The following CWH43 variants were observed in gnomAD, a reference collection of about 807,000 sequenced individuals.
The protein encoded by CWH43 is cell wall biogenesis 43 C-terminal homolog.
A neutral mutation model predicts 85.7 loss-of-function variants in CWH43; 91 were observed. The observed-to-expected ratio is 1.06, with a 90% CI of 0.90 to 1.26. The LOEUF (loss-of-function observed/expected upper bound fraction) is 1.26. Among genes scored for constraint, CWH43 ranks in the 50% most tolerant of loss-of-function variants. The pLI, the probability that CWH43 is intolerant of heterozygous loss-of-function variation, is 0.00. For synonymous variants in CWH43, 323 were observed against 293.6 expected (o/e 1.10, Z -1.02); for missense variants, 869 against 839.2 (o/e 1.04, Z -0.44).
chr4:49,002,744 T>G (rs1783030679), intron 6 of CWH43, among the ~76,000 whole-genome samples: 2 of 152,150 alleles, frequency 1.3e-5, no homozygotes, highest in Non-Finnish European at 2.9e-5. Context: ...GATGTTCTTT[T>G]TGAAGTGGGG....
At chr4:49,059,117 C>T (rs191890837) in intron 15 of CWH43, among the ~76,000 whole-genome samples, 190 of 152,166 alleles carry the variant, frequency 1.2e-3, no homozygotes, top group Non-Finnish European at 2.3e-3. Context: ...TTAATGATGA[C>T]CTATAATTTC....
intron 15 of CWH43, among the ~76,000 whole-genome samples, chr4:49,053,727 C>T (rs1577714828): frequency 6.6e-6 from 1 of 152,038 alleles, no homozygotes; most frequent in East Asian, 1.9e-4. Flanking sequence ...GTAAAAAAAT[C>T]CAAAATCTGA....
At chr4:49,043,732 A>G (rs1784538155) in intron 13 of CWH43, among the ~76,000 whole-genome samples, 1 of 152,114 alleles carries the variant, frequency 6.6e-6, no homozygotes, top group Admixed American at 6.5e-5. Context: ...AAATAGATTT[A>G]TTTATCATTT....
chr4:49,051,420 C>T (rs1225499489), intron 15 of CWH43, among the ~76,000 whole-genome samples: 1 of 152,158 alleles, frequency 6.6e-6, no homozygotes, highest in African/African-American at 2.4e-5. Context: ...ACTGCCTGGG[C>T]CCCACCCCAG....
At chr4:48,999,649 A>G (rs1782927198) in intron 6 of CWH43, among the ~76,000 whole-genome samples, 1 of 152,216 alleles carries the variant, frequency 6.6e-6, no homozygotes. Context: ...TTTACTGAGG[A>G]GATGAGGGCT....
rs1782684315 is a variant in CWH43 at position 48,992,339 on chromosome 4, G to A, written c.511+249G>A. Among the ~76,000 whole-genome samples, 1 of 152,224 alleles carries A rather than the reference G, an allele frequency of 6.6e-6. No homozygotes were observed. Among genetic ancestry groups the A allele is most frequent in the Non-Finnish European group, 1.5e-5 (1 of 68,038 alleles). On this transcript the variant is annotated intron_variant, in intron 4 of 15. Transcript: ENST00000226432. This position sits in a 1 kb window ranked among gnomAD's most constrained non-coding sequence, Gnocchi z 4.3. ...ATTACTGGTTTGTAGCACTGTGGCA[G>A]TGGGAGACGAGAACCAGGCCTCATA... is the stretch of plus-strand genomic sequence containing the variant.
intron 13 of CWH43, among the ~76,000 whole-genome samples, chr4:49,041,224 C>T (rs988545729): frequency 9.2e-5 from 14 of 152,222 alleles, no homozygotes; most frequent in African/African-American, 2.2e-4. Flanking sequence ...CTTGGCAATG[C>T]GGGCTCTTTT....
intron 9 of CWH43, among the ~76,000 whole-genome samples, chr4:49,021,433 C>T (rs1398499852): frequency 1.3e-5 from 2 of 152,074 alleles, no homozygotes; most frequent in Admixed American, 6.6e-5. Context: ...ATACCAGTAC[C>T]ATGCTGTTTT....
intron 13 of CWH43, among the ~76,000 whole-genome samples, chr4:49,039,273 G>A (rs1158752052): frequency 3.8e-5 from 3 of 78,432 alleles, no homozygotes; most frequent in African/African-American, 1.3e-4. Context: ...ATGTTCTGGG[G>A]AACTGCCACA....
chr4:49,038,168 T>A lies in CWH43; in HGVS notation c.1791T>A (p.His597Gln). Residue 597 changes from histidine (H) to glutamine (Q), a missense_variant, in exon 13 of 16, where the codon CAT becomes CAA. Around this residue, in one of 3 missense-constraint regions of CWH43, gnomAD observed 577 missense variants for 513.1 expected, o/e 1.12. Coordinates refer to ENST00000226432, the MANE Select transcript of CWH43 (RefSeq NM_025087.3). ...GSRDYLQLTE[H>Q]GNVKDIDSTD... ...GAGATTATCTACAGCTCACTGAACATGGCAATGTGAAGGTAACATAATCTT... is the reference window on the plus strand; with the variant it reads ...GAGATTATCTACAGCTCACTGAACAAGGCAATGTGAAGGTAACATAATCTT... 6.3e-7 allele frequency: 1 copy of A among 1,580,318 alleles called. No homozygotes were observed. The highest frequency in any genetic ancestry group is 2.3e-5 in the East Asian group (1 of 44,318).
chr4:49,060,420 T>C (rs1785114920), intron 15 of CWH43, among the ~76,000 whole-genome samples: 1 of 151,734 alleles, frequency 6.6e-6, no homozygotes, highest in Admixed American at 6.6e-5. Flanking sequence ...TAGGGCCGGC[T>C]TAGGGACTGG....
chr4:48,994,853 G>T (rs370975619), intron 5 of CWH43, 33 bp downstream of exon 5: 1 of 1,585,050 alleles, frequency 6.3e-7, no homozygotes, highest in African/African-American at 1.3e-5. Flanking sequence ...TCACAAAATC[G>T]GCAGTTATGC....
chr4:49,034,845 A>G (rs1784217289), intron 12 of CWH43, among the ~76,000 whole-genome samples: 1 of 152,198 alleles, frequency 6.6e-6, no homozygotes, highest in Admixed American at 6.5e-5. Context: ...ATATTACCTC[A>G]TGCAAAGTAC....
At chr4:49,043,961 A>G (rs1032620868) in intron 13 of CWH43, among the ~76,000 whole-genome samples, 1 of 152,112 alleles carries the variant, frequency 6.6e-6, no homozygotes, top group Non-Finnish European at 1.5e-5. Flanking sequence ...GAAAAAAATG[A>G]AGAATTATAT....
intron 9 of CWH43, among the ~76,000 whole-genome samples, chr4:49,023,006 G>T (rs990255571): frequency 2.9e-4 from 44 of 151,942 alleles, no homozygotes; most frequent in African/African-American, 1.0e-3. Context: ...TTTATCTTTT[G>T]TATTTTTGTT....
At position 49,051,147 on chromosome 4, in the gene CWH43, T is replaced by G. The variant is rs569513696; in HGVS notation, c.2021+298T>G. 2.6e-5 allele frequency among the ~76,000 whole-genome samples: 4 copies of G among 152,288 alleles called. No individual in the cohort carries two copies. The South Asian group carries it at 6.2e-4, about 24-fold the overall frequency. On this transcript the variant is annotated intron_variant, in intron 15 of 15. Coordinates refer to ENST00000226432, the MANE Select transcript of CWH43 (RefSeq NM_025087.3). Reference sequence around the variant, plus strand: ...TGTCACCTCCACGATAGCTAGTATTTGAATGCTCCTATGTCCCAGACCCTG... The same window carrying G: ...TGTCACCTCCACGATAGCTAGTATTGGAATGCTCCTATGTCCCAGACCCTG...
chr4:49,027,662 C>T (rs1450982199), intron 9 of CWH43, among the ~76,000 whole-genome samples: 1 of 152,104 alleles, frequency 6.6e-6, no homozygotes, highest in Non-Finnish European at 1.5e-5. Context: ...ATATCCATCC[C>T]CTCAAGCATT....
At chr4:49,038,530 C>G (rs1230958595) in intron 13 of CWH43, among the ~76,000 whole-genome samples, 1 of 152,164 alleles carries the variant, frequency 6.6e-6, no homozygotes, top group Non-Finnish European at 1.5e-5. Context: ...TAGGCTTCCT[C>G]CCTGCATGGT....
At chr4:49,055,165 G>A (rs1373073767) in intron 15 of CWH43, among the ~76,000 whole-genome samples, 1 of 152,008 alleles carries the variant, frequency 6.6e-6, no homozygotes, top group Non-Finnish European at 1.5e-5. Context: ...CCTTTGTTAT[G>A]ATGAGGTCTA....
Sources: gnomAD v4.1 joint callset for allele counts (sites outside exome capture counted in the v4.1 genomes callset) on GRCh38, gnomAD v4.1.1 for gene constraint, gnomAD v4.1.1 regional missense constraint, Gnocchi (gnomAD v3.1) non-coding constraint, MANE v1.5 for transcripts, NCBI Gene and HGNC (gene_info 2026-07-23, HGNC 2026-07-21) for gene names.